Variants in MYCBP observed in about 807,000 individuals in gnomAD.
MYCBP encodes the protein C-Myc-binding protein.
Under a neutral mutation model 16.8 loss-of-function variants are expected in MYCBP, and 5 were observed. The ratio of observed to expected loss-of-function variants is 0.30; its 90% CI spans 0.16 to 0.63. The LOEUF is 0.63. MYCBP is among the 20% of genes least tolerant of loss of function. The pLI, the probability that MYCBP is intolerant of heterozygous loss-of-function variation, is 0.83. For synonymous variants in MYCBP, 35 were observed against 43.7 expected (o/e 0.80, Z 0.79); for missense variants, 103 against 121.8 (o/e 0.85, Z 0.73).
At position 38,866,239 on chromosome 1, in the gene MYCBP, G is replaced by T. The variant is rs549872654; in HGVS notation, c.267+641C>A. On this transcript the variant is annotated intron_variant, in intron 4 of 4. Transcript: ENST00000397572. ...AATTTTGTATTTTCAGTAGAGACGG[G>T]GTTTCTCCATGCTGGCCAGGCTGAT... 1.7e-3 allele frequency among the ~76,000 whole-genome samples: 252 copies of T among 151,136 alleles called. 1 individual carries two copies. The highest frequency in any genetic ancestry group is 5.9e-3 in the African/African-American group (244 of 41,112).
intron 2 of MYCBP, among the ~76,000 whole-genome samples, chr1:38,869,332 C>G (rs1220037466): frequency 6.6e-6 from 1 of 152,100 alleles, no homozygotes; most frequent in Non-Finnish European, 1.5e-5. Flanking sequence ...AGGTGATCCA[C>G]CCACCTCAGC....
rs71057153 is a variant in MYCBP at position 38,866,044 on chromosome 1, C to CTT, written c.267+834_267+835dup. ...TAGTAATACAGGTTCCTAAGAACCT[C>CTT]TTTTTTTTTTTTTTTTTTTTTGAGA... On this transcript the variant is annotated intron_variant, in intron 4 of 4. Coordinates refer to ENST00000397572, the MANE Select transcript of MYCBP (RefSeq NM_012333.5). 1.4e-3 allele frequency among the ~76,000 whole-genome samples: 90 copies of CTT among 65,700 alleles called. 5 individuals are homozygous for CTT. The highest frequency in any genetic ancestry group is 2.3e-3 in the South Asian group (4 of 1,774). The allele number at this position is 65,700 out of a possible 152,430, so 43.1% of individuals were successfully genotyped here.
chr1:38,864,806 T>C, intron 4 of MYCBP, 92 bp from the exon 5 acceptor site: 1 of 1,142,016 alleles, frequency 8.8e-7, no homozygotes, highest in East Asian at 2.4e-5. Context: ...TCAACTTAGT[T>C]ACTGTCAGTA....
At chr1:38,868,041 T>C (rs1642375390) in intron 2 of MYCBP, among the ~76,000 whole-genome samples, 1 of 152,160 alleles carries the variant, frequency 6.6e-6, no homozygotes, top group South Asian at 2.1e-4. Context: ...GAAAGGAAGC[T>C]GGAAAGGTGG....
intron 1 of MYCBP, 80 bp from the exon 2 acceptor site, chr1:38,873,170 T>G (rs1025836811): frequency 6.4e-6 from 10 of 1,552,938 alleles, no homozygotes; most frequent in African/African-American, 1.4e-5. Context: ...CAACCCCGCC[T>G]CCGCCTCACT....
chr1:38,863,777 GA>G lies in MYCBP; in HGVS notation c.*892del, dbSNP rs943784529. On this transcript the variant is annotated 3_prime_UTR_variant, in exon 5 of 5. Coordinates refer to ENST00000397572, the MANE Select transcript of MYCBP (RefSeq NM_012333.5). ...TGAAGATAAAATGAATTCAAGGCTA[GA>G]AAAATACTTTGAGGGAGAAAAGCAC... 1.3e-5 allele frequency: 2 copies of G among 152,612 alleles called. No homozygotes were observed. The highest frequency in any genetic ancestry group is 2.9e-5 in the Non-Finnish European group (2 of 68,032). 9.5% of individuals were successfully genotyped at this position (152,612 alleles called of 1,614,324 possible). A position where few individuals can be genotyped will look rare whatever the true frequency, so the allele number is the denominator to read the frequency against.
chr1:38,864,863 A>G, intron 4 of MYCBP, 149 bp from the exon 5 acceptor site: 2 of 721,018 alleles, frequency 2.8e-6, no homozygotes, highest in Non-Finnish European at 4.7e-6. Flanking sequence ...TAAATCATTC[A>G]GTGATTTAAG....
Position 38,873,254 on chromosome 1 carries a change from C to T in MYCBP, c.15+37G>A, listed in dbSNP as rs776640770. The stretch of plus-strand genomic sequence containing the variant: ...CCAGAGCCGACCAGCGGCTTGCTAC[C>T]GCCCGCATGCCCCCAGCCACGCCGC... On this transcript the variant is annotated intron_variant, in intron 1 of 4. Transcript: ENST00000397572. 12 of 1,597,718 alleles carry T rather than the reference C, an allele frequency of 7.5e-6. No individual in the cohort carries two copies. In the South Asian group the frequency reaches 1.2e-4, roughly 16 times the overall value.
At chr1:38,866,561 C>T (rs1398862572) in intron 4 of MYCBP, among the ~76,000 whole-genome samples, 1 of 152,052 alleles carries the variant, frequency 6.6e-6, no homozygotes, top group South Asian at 2.1e-4. Context: ...GGATTATGGG[C>T]ACATGCCACC....
chr1:38,868,837 C>T (rs548664262), intron 2 of MYCBP, among the ~76,000 whole-genome samples: 5 of 151,976 alleles, frequency 3.3e-5, no homozygotes, highest in Non-Finnish European at 5.9e-5. Flanking sequence ...ACCCAGGAGG[C>T]GGAGCTTGCA....
intron 2 of MYCBP, among the ~76,000 whole-genome samples, chr1:38,870,960 T>C (rs1293419626): frequency 6.6e-6 from 1 of 151,332 alleles, no homozygotes; most frequent in Non-Finnish European, 1.5e-5. Context: ...TAAATTCTAG[T>C]GGAGGGCGGT....
chr1:38,868,886 A>G (rs1642397905), intron 2 of MYCBP, among the ~76,000 whole-genome samples: 1 of 152,056 alleles, frequency 6.6e-6, no homozygotes, highest in Non-Finnish European at 1.5e-5. Context: ...AGCCTGGGCG[A>G]TGGAGCAAGA....
chr1:38,868,879 C>G (rs1642397366), intron 2 of MYCBP, among the ~76,000 whole-genome samples: 1 of 152,024 alleles, frequency 6.6e-6, no homozygotes, highest in South Asian at 2.1e-4. Flanking sequence ...GCACTCCAGC[C>G]TGGGCGATGG....
In MYCBP at chr1:38,862,770, A is replaced by T. The variant is rs1319252908; in HGVS notation, c.*1900T>A. ...CAAGTCAGTTTCACCTAAAAGTGTG[A>T]TTATCCAACCCACATGTTGCCTTTC... On this transcript the variant is annotated 3_prime_UTR_variant, in exon 5 of 5. Coordinates refer to ENST00000397572, the MANE Select transcript of MYCBP (RefSeq NM_012333.5). Among the ~76,000 whole-genome samples the T allele has an allele frequency of 6.6e-6, 1 of 152,222 alleles. No homozygotes were observed. The highest frequency in any genetic ancestry group is 6.5e-5 in the Admixed American group (1 of 15,286).
intron 4 of MYCBP, among the ~76,000 whole-genome samples, chr1:38,866,615 C>T (rs774623821): frequency 4.6e-5 from 7 of 151,766 alleles, no homozygotes; most frequent in African/African-American, 9.7e-5. Context: ...CAGGGTTTCA[C>T]CATGTTGACC....
intron 2 of MYCBP, 129 bp from the exon 3 acceptor site, chr1:38,867,739 C>A: frequency 1.3e-6 from 1 of 760,944 alleles, no homozygotes; most frequent in Non-Finnish European, 2.3e-6. Context: ...CTATACAATG[C>A]TGAACAAGAC....
At chr1:38,870,289 C>G (rs1017251716) in intron 2 of MYCBP, among the ~76,000 whole-genome samples, 4 of 151,658 alleles carry the variant, frequency 2.6e-5, no homozygotes, top group African/African-American at 9.7e-5. Context: ...TAAGACTGCA[C>G]TGAGACATGA....
Position 38,864,596 on chromosome 1 carries a change from A to G in MYCBP, c.*74T>C. ...AAGAGTTCTATAGCATCTGTTCAGA[A>G]AAGATTATATACTATACAAACTATT... is the stretch of plus-strand genomic sequence containing the variant. On this transcript the variant is annotated 3_prime_UTR_variant, in exon 5 of 5. Coordinates refer to ENST00000397572, the MANE Select transcript of MYCBP (RefSeq NM_012333.5). 6.8e-7 allele frequency: 1 copy of G among 1,463,672 alleles called. No homozygotes were observed. Among genetic ancestry groups the G allele is most frequent in the South Asian group, 1.1e-5 (1 of 87,330 alleles). 90.7% of individuals were successfully genotyped at this position (1,463,672 alleles called of 1,614,324 possible). A position where few individuals can be genotyped will look rare whatever the true frequency, so the allele number is the denominator to read the frequency against.
At position 38,863,906 on chromosome 1, in the gene MYCBP, C is replaced by G. The variant is rs534213879; in HGVS notation, c.*764G>C. 1 of 152,560 alleles carries G rather than the reference C, an allele frequency of 6.6e-6. No homozygotes were observed. Among genetic ancestry groups the G allele is most frequent in the South Asian group, 2.1e-4 (1 of 4,828 alleles). 9.5% of individuals were successfully genotyped at this position (152,560 alleles called of 1,614,324 possible). A position where few individuals can be genotyped will look rare whatever the true frequency, so the allele number is the denominator to read the frequency against. The stretch of plus-strand genomic sequence containing the variant: ...CCCAGAGTTGTATATTGCCTCTGTC[C>G]TGTGCTCAGTAAGCAAATAAGGCAG... On this transcript the variant is annotated 3_prime_UTR_variant, in exon 5 of 5. Transcript: ENST00000397572.
Sources: gnomAD v4.1 joint callset for allele counts (sites outside exome capture counted in the v4.1 genomes callset) on GRCh38, gnomAD v4.1.1 for gene constraint, MANE v1.5 for transcripts, NCBI Gene and HGNC (gene_info 2026-07-23, HGNC 2026-07-21) for gene names.